Variants in VPS35 observed in about 807,000 individuals in gnomAD.
VPS35 encodes vacuolar protein sorting-associated protein 35.
VPS35 carries 21 observed loss-of-function variants against 98.1 expected under a neutral mutation model. The observed-to-expected ratio is 0.21, with a 90% CI of 0.15 to 0.31. The LOEUF is 0.31. VPS35 is among the 10% of genes least tolerant of loss of function. The pLI, the probability that VPS35 is intolerant of heterozygous loss-of-function variation, is 1.00. For synonymous variants in VPS35, 268 were observed against 318.2 expected (o/e 0.84, Z 1.68); for missense variants, 554 against 950.8 (o/e 0.58, Z 5.49).
chr16:46,659,399 G>C lies in VPS35; in HGVS notation c.*1073C>G, dbSNP rs1006413868. The C allele has an allele frequency of 5.9e-5, 9 of 152,214 alleles. No individual in the cohort carries two copies. The highest frequency in any genetic ancestry group is 2.2e-4 in the African/African-American group (9 of 41,460). The allele number at this position is 152,214 out of a possible 1,614,324, so 9.4% of individuals were successfully genotyped here. ...TTGCTGTTTTAAGACAGTAAGTTTT[G>C]GGATGGTTTATTATATAGTAGGTAA... On this transcript the variant is annotated 3_prime_UTR_variant, in exon 17 of 17. Transcript: ENST00000299138.
chr16:46,662,373 T>C lies in VPS35; in HGVS notation c.1937A>G (p.His646Arg). 3.1e-6 allele frequency: 5 copies of C among 1,614,252 alleles called. No individual in the cohort carries two copies. Among genetic ancestry groups the C allele is most frequent in the Non-Finnish European group, 4.2e-6 (5 of 1,180,042 alleles). Reference protein sequence around the residue: ...ERMKCFSEENHEPLRTQCALA... With the variant: ...ERMKCFSEENREPLRTQCALA... ...GGCACACTGAGTCCTCAGAGGTTCG[T>C]GATTCTCTTCACTGAAGCACTTCAT... Residue 646 changes from histidine to arginine, a missense_variant, in exon 15 of 17, where the codon CAC (histidine) becomes CGC (arginine). Coordinates refer to ENST00000299138, the MANE Select transcript of VPS35 (RefSeq NM_018206.6).
intron 1 of VPS35, among the ~76,000 whole-genome samples, chr16:46,687,862 T>C (rs1966344957): frequency 6.6e-6 from 1 of 151,988 alleles, no homozygotes; most frequent in Admixed American, 6.6e-5. Context: ...CCTTTCCCAA[T>C]AAAATTCATG....
Position 46,656,513 on chromosome 16 carries a change from T to C in VPS35, c.*3959A>G, listed in dbSNP as rs1314226374. ...GTCCTTGTTCATTCCTGGGCATAGG[T>C]AGAACTAACCTTGGGAAGTAATTTA... On this transcript the variant is annotated 3_prime_UTR_variant, in exon 17 of 17. Transcript: ENST00000299138. 1 of 152,210 alleles carries C rather than the reference T, an allele frequency of 6.6e-6. No homozygotes were observed. The highest frequency in any genetic ancestry group is 1.9e-4 in the East Asian group (1 of 5,200). The allele number at this position is 152,210 out of a possible 1,614,324, so 9.4% of individuals were successfully genotyped here. A position where few individuals can be genotyped will look rare whatever the true frequency, so the allele number is the denominator to read the frequency against.
In VPS35 at chr16:46,662,262, G is replaced by T. The variant is rs1386061382; in HGVS notation, c.2048C>A (p.Thr683Lys). The change falls in exon 15 of 17, where the codon ACG becomes AAG. Residue 683 changes from threonine (T) to lysine (K), a missense_variant. Thr to Lys is a moderately conservative substitution (Grantham distance 78). Transcript: ENST00000299138. The stretch of plus-strand genomic sequence containing the variant: ...CCTTACCTCCTCCCCATTTTTGTCC[G>T]TGTTTCTGCCAGACCAGAAGAGATG... The part of the protein sequence containing the change: ...CAHLFWSGRN[T>K]DKNGEELHGG... The T allele has an allele frequency of 6.2e-7, 1 of 1,614,044 alleles. No homozygotes were observed.
chr16:46,668,269 C>A (rs1192693620), intron 13 of VPS35, among the ~76,000 whole-genome samples: 1 of 152,132 alleles, frequency 6.6e-6, no homozygotes, highest in Admixed American at 6.5e-5. Context: ...GTGGTGCACA[C>A]CTGTAATCCC....
At chr16:46,674,198 T>C in intron 10 of VPS35, 116 bp downstream of exon 10, 1 of 1,168,128 alleles carries the variant, frequency 8.6e-7, no homozygotes, top group Non-Finnish European at 1.2e-6. Context: ...CATGACAATC[T>C]TAATGCATGA....
At chr16:46,677,061 A>T (rs553785091) in intron 7 of VPS35, among the ~76,000 whole-genome samples, 90 of 152,136 alleles carry the variant, frequency 5.9e-4, no homozygotes, top group African/African-American at 1.9e-3. Context: ...CACTAAAAAA[A>T]TTTTTTTAAT....
At chr16:46,683,799 A>G (rs1211091104) in intron 1 of VPS35, among the ~76,000 whole-genome samples, 193 bp from the exon 2 acceptor site, 7 of 152,048 alleles carry the variant, frequency 4.6e-5, no homozygotes, top group Non-Finnish European at 8.8e-5. Context: ...ATCTCGGCTC[A>G]TGGCAAGCTC....
chr16:46,672,249 G>C lies in VPS35; in HGVS notation c.1368+16C>G. 1.9e-6 allele frequency: 3 copies of C among 1,606,362 alleles called. No individual in the cohort carries two copies. The highest frequency in any genetic ancestry group is 2.6e-6 in the Non-Finnish European group (3 of 1,173,566). On this transcript the variant is annotated intron_variant, in intron 11 of 16. Transcript: ENST00000299138. ...TAACACTGTTTCCCTAAAATAGCAC[G>C]TAGGTATTCTCTTACCTGGTCTTGA...
chr16:46,657,846 G>A lies in VPS35; in HGVS notation c.*2626C>T, dbSNP rs558629585. 2 of 152,210 alleles carry A rather than the reference G, an allele frequency of 1.3e-5. No homozygotes were observed. Among genetic ancestry groups the A allele is most frequent in the South Asian group, 4.2e-4 (2 of 4,808 alleles). 9.4% of individuals were successfully genotyped at this position (152,210 alleles called of 1,614,324 possible). Reference sequence around the variant, plus strand: ...CTATCCCCTAGTCTTGGAATTTAATGCCATTCAGCACCAAGCCTGCCCTGG... The same window carrying A: ...CTATCCCCTAGTCTTGGAATTTAATACCATTCAGCACCAAGCCTGCCCTGG... On this transcript the variant is annotated 3_prime_UTR_variant, in exon 17 of 17. Coordinates refer to ENST00000299138, the MANE Select transcript of VPS35 (RefSeq NM_018206.6).
At chr16:46,683,952 T>C (rs531169447) in intron 1 of VPS35, among the ~76,000 whole-genome samples, 23 of 152,280 alleles carry the variant, frequency 1.5e-4, no homozygotes, top group Non-Finnish European at 3.4e-4. Context: ...AGTCTCCATC[T>C]CCTGACCTCG....
At chr16:46,667,576 T>C (rs935390768) in intron 13 of VPS35, among the ~76,000 whole-genome samples, 4 of 152,208 alleles carry the variant, frequency 2.6e-5, no homozygotes, top group African/African-American at 9.6e-5. Context: ...TTTAGTTGCA[T>C]AGGTTTTTGG....
chr16:46,665,476 T>G (rs948127945), intron 13 of VPS35, among the ~76,000 whole-genome samples: 9 of 151,510 alleles, frequency 5.9e-5, no homozygotes, highest in Non-Finnish European at 1.0e-4. Context: ...ATGCTTGCAG[T>G]CCCAGCTACT....
intron 3 of VPS35, chr16:46,681,768 T>C: frequency 1.8e-6 from 1 of 545,592 alleles, no homozygotes; most frequent in Non-Finnish European, 3.3e-6. Flanking sequence ...TAAATTCCTG[T>C]CCATTTGAGA....
chr16:46,661,821 G>A lies in VPS35; in HGVS notation c.2108C>T (p.Ala703Val). ...CATGCACTGATTTGCTATTTTTAGAGCTTTTTTTAGGCACTCCATTACCCT... is the reference window on the plus strand; with the variant it reads ...CATGCACTGATTTGCTATTTTTAGAACTTTTTTTAGGCACTCCATTACCCT... ...GKRVMECLKK[A>V]LKIANQCMDP... Residue 703 changes from alanine (A) to valine (V), a missense_variant, in exon 16 of 17, where the codon GCT (alanine) becomes GTT (valine). By Grantham distance (64) the Ala-to-Val change is moderately conservative. Coordinates refer to ENST00000299138, the MANE Select transcript of VPS35 (RefSeq NM_018206.6). This position sits in a 1 kb window ranked among gnomAD's most constrained non-coding sequence, Gnocchi z 4.3. The A allele has an allele frequency of 6.2e-7, 1 of 1,614,088 alleles. No homozygotes were observed. The highest frequency in any genetic ancestry group is 8.5e-7 in the Non-Finnish European group (1 of 1,179,996).
intron 7 of VPS35, among the ~76,000 whole-genome samples, chr16:46,677,069 A>T (rs943133518): frequency 6.6e-6 from 1 of 151,930 alleles, no homozygotes; most frequent in Non-Finnish European, 1.5e-5. Context: ...AAATTTTTTT[A>T]ATTTTTTATA....
At chr16:46,667,126 CTT>C (rs947280682) in intron 13 of VPS35, among the ~76,000 whole-genome samples, 10 of 152,172 alleles carry the variant, frequency 6.6e-5, no homozygotes, top group Non-Finnish European at 1.2e-4. Flanking sequence ...CTTGCCAACA[CTT>C]GATTTTCTGT....
intron 5 of VPS35, among the ~76,000 whole-genome samples, chr16:46,679,952 A>G (rs1467602848): frequency 6.6e-6 from 1 of 152,144 alleles, no homozygotes; most frequent in Non-Finnish European, 1.5e-5. Context: ...AAAAAGAAAA[A>G]AACAAAATCT....
In VPS35 at chr16:46,664,525, C is replaced by CT. The variant is rs529630190; in HGVS notation, c.1648-1364dup. Among the ~76,000 whole-genome samples, 473 of 142,690 alleles carry CT rather than the reference C, an allele frequency of 3.3e-3. 1 individual carries two copies. Among genetic ancestry groups the CT allele is most frequent in the Non-Finnish European group, 4.4e-3 (284 of 64,814 alleles). 93.6% of individuals were successfully genotyped at this position (142,690 alleles called of 152,430 possible). On this transcript the variant is annotated intron_variant, in intron 13 of 16. Coordinates refer to ENST00000299138, the MANE Select transcript of VPS35 (RefSeq NM_018206.6). ...TTGTATCTAATTTTTCTTTTCTTTT[C>CT]TTTTTTTTTTTTTGAGAAGTAGTTT...
Sources: gnomAD v4.1 joint callset for allele counts (sites outside exome capture counted in the v4.1 genomes callset) on GRCh38, gnomAD v4.1.1 for gene constraint, Gnocchi (gnomAD v3.1) non-coding constraint, MANE v1.5 for transcripts, NCBI Gene and HGNC (gene_info 2026-07-23, HGNC 2026-07-21) for gene names.